Variants in SELE observed in about 807,000 individuals in gnomAD.
The protein encoded by SELE is E-selectin.
A neutral mutation model predicts 75.8 loss-of-function variants in SELE; 52 were observed. The ratio of observed to expected loss-of-function variants is 0.69; its 90% CI spans 0.55 to 0.86. The LOEUF (loss-of-function observed/expected upper bound fraction) is 0.86. Among genes scored for constraint, SELE ranks in the 40% least tolerant of loss-of-function variants. The pLI is 0.00. For synonymous variants in SELE, 285 were observed against 258.7 expected (o/e 1.10, Z -0.98); for missense variants, 754 against 732.7 (o/e 1.03, Z -0.34).
In SELE at chr1:169,733,669, A is replaced by C. The variant is rs1161904928; in HGVS notation, c.-48-9T>G. 1 of 1,526,572 alleles carries C rather than the reference A, an allele frequency of 6.6e-7. No homozygotes were observed. Among genetic ancestry groups the C allele is most frequent in the Non-Finnish European group, 9.1e-7 (1 of 1,100,784 alleles). 94.6% of individuals were successfully genotyped at this position (1,526,572 alleles called of 1,614,324 possible). A position where few individuals can be genotyped will look rare whatever the true frequency, so the allele number is the denominator to read the frequency against. ...AGGCTTGAAATACTTTCCTGGGGAG[A>C]TAAAACACAAAATGAATTAAAGAAG... On this transcript the variant is annotated splice_polypyrimidine_tract_variant and intron_variant, in intron 1 of 13. Coordinates refer to ENST00000333360, the MANE Select transcript of SELE (RefSeq NM_000450.2).
At chr1:169,726,244 A>G (rs1190125253) in intron 11 of SELE, among the ~76,000 whole-genome samples, 2 of 152,254 alleles carry the variant, frequency 1.3e-5, no homozygotes, top group Non-Finnish European at 2.9e-5. Flanking sequence ...TGTAAACGTC[A>G]GAACTTAACT....
intron 13 of SELE, among the ~76,000 whole-genome samples, chr1:169,725,233 A>G (rs1202692725): frequency 6.6e-6 from 1 of 152,102 alleles, no homozygotes; most frequent in East Asian, 1.9e-4. Context: ...AAATACAAAA[A>G]TTAGCTGGGT....
In SELE at chr1:169,728,173, G is replaced by A. The variant is rs780464282; in HGVS notation, c.1164C>T (p.Phe388=). The change falls in exon 8 of 14, where the codon TTC becomes TTT. Residue 388 remains phenylalanine, a synonymous_variant. Coordinates refer to ENST00000333360, the MANE Select transcript of SELE (RefSeq NM_000450.2). ...MNCLPSASGS[F]RYGSSCEFSC... ...AGAACTCACAGCTGGACCCATAACGGAAACTGCCAGAAGCACTAGGAAGAC... is the reference window on the plus strand; with the variant it reads ...AGAACTCACAGCTGGACCCATAACGAAAACTGCCAGAAGCACTAGGAAGAC... The A allele has an allele frequency of 6.2e-7, 1 of 1,614,164 alleles. No homozygotes were observed. Among genetic ancestry groups the A allele is most frequent in the East Asian group, 2.2e-5 (1 of 44,880 alleles).
rs936834236 is a variant in SELE at position 169,729,327 on chromosome 1, A to C, written c.949T>G (p.Cys317Gly). Residue 317 changes from cysteine to glycine, a missense_variant, in exon 7 of 14, where the codon TGC becomes GGC. By Grantham distance (159) the Cys-to-Gly change is radical (BLOSUM62 -3). Transcript: ENST00000333360. ...VRQPQNGSVR[C>G]SHSPAGEFTF... Reference sequence around the variant, plus strand: ...AACTCTCCAGCAGGGGAATGGCTGCACCTCACAGAGCCATTCTGAGGCTGG... The same window carrying C: ...AACTCTCCAGCAGGGGAATGGCTGCCCCTCACAGAGCCATTCTGAGGCTGG... The C allele has an allele frequency of 1.2e-6, 2 of 1,614,070 alleles. No individual in the cohort carries two copies. Among genetic ancestry groups the C allele is most frequent in the Non-Finnish European group, 1.7e-6 (2 of 1,179,998 alleles).
rs1648978382 is a variant in SELE, at chr1:169,733,892, T to A, written c.-49+79A>T. The A allele has an allele frequency of 1.1e-5, 5 of 459,654 alleles. No individual in the cohort carries two copies. The South Asian group carries it at 1.4e-4, about 13-fold the overall frequency. 28.5% of individuals were successfully genotyped at this position (459,654 alleles called of 1,614,324 possible). On this transcript the variant is annotated intron_variant, in intron 1 of 13. Transcript: ENST00000333360. ...ACAATACAATAAGAGCTTGTACAGA[T>A]GTGGTTTTTATTAGAAGGCCTTTTG...
intron 10 of SELE, 138 bp downstream of exon 10, chr1:169,727,211 A>G (rs1296102445): frequency 1.2e-6 from 1 of 865,432 alleles, no homozygotes; most frequent in Non-Finnish European, 1.7e-6. Context: ...CTCTATCCCC[A>G]TACAACTTAA....
At position 169,729,347 on chromosome 1, in the gene SELE, G is replaced by A. The variant is rs1571145435; in HGVS notation, c.929C>T (p.Pro310Leu). 2 of 1,614,012 alleles carry A rather than the reference G, an allele frequency of 1.2e-6. No homozygotes were observed. The highest frequency in any genetic ancestry group is 1.7e-6 in the Non-Finnish European group (2 of 1,179,978). The stretch of plus-strand genomic sequence containing the variant: ...GCTGCACCTCACAGAGCCATTCTGA[G>A]GCTGGCGGACGGCCCTGCATGTCAC... The part of the protein sequence containing the change: ...KAVTCRAVRQ[P>L]QNGSVRCSHS... Residue 310 changes from proline to leucine, a missense_variant, in exon 7 of 14, where the codon CCT becomes CTT. Coordinates refer to ENST00000333360, the MANE Select transcript of SELE (RefSeq NM_000450.2).
chr1:169,730,919 A>G (rs1362128820), intron 4 of SELE, among the ~76,000 whole-genome samples: 1 of 151,340 alleles, frequency 6.6e-6, no homozygotes, highest in Non-Finnish European at 1.5e-5. Flanking sequence ...GAACAAACAC[A>G]GCAAACTTAG....
rs1292948422 is a variant in SELE, at chr1:169,730,618, C to G, written c.530-1G>C. ...GATTCCAGGGCTGTACAGTTCACAA[C>G]TGAAAAAGAAACCCAAATCAGTTCT... On this transcript the variant is annotated splice_acceptor_variant, in intron 4 of 13. Transcript: ENST00000333360. LOFTEE classifies it high-confidence loss of function. 6.3e-7 allele frequency: 1 copy of G among 1,596,444 alleles called. No homozygotes were observed. The highest frequency in any genetic ancestry group is 8.6e-7 in the Non-Finnish European group (1 of 1,169,348).
At position 169,732,931 on chromosome 1, in the gene SELE, C is replaced by T. The variant is rs1254500623; in HGVS notation, c.105G>A (p.Glu35=). 2.5e-6 allele frequency: 4 copies of T among 1,613,830 alleles called. No homozygotes were observed. The highest frequency in any genetic ancestry group is 4.5e-5 in the East Asian group (2 of 44,874). Residue 35 remains glutamate (E), a synonymous_variant, in exon 3 of 14, where the codon GAG becomes GAA. Coordinates refer to ENST00000333360, the MANE Select transcript of SELE (RefSeq NM_000450.2). ...NTSTEAMTYD[E]ASAYCQQRYT... is the part of the protein sequence containing the mutation. ...ACCTTTGCTGACAATAAGCACTGGC[C>T]TCATCATAAGTCATAGCTTCCGTGG...
intron 4 of SELE, 121 bp from the exon 5 acceptor site, chr1:169,730,738 A>T (rs1438434257): frequency 7.3e-6 from 4 of 548,672 alleles, no homozygotes; most frequent in Non-Finnish European, 1.2e-5. Context: ...AAAATTTCTA[A>T]TGGAATTTGT....
In SELE at chr1:169,723,320, G is replaced by C. The variant is rs916384084; in HGVS notation, c.*1205C>G. On this transcript the variant is annotated 3_prime_UTR_variant, in exon 14 of 14. Coordinates refer to ENST00000333360, the MANE Select transcript of SELE (RefSeq NM_000450.2). ...ATCTACCAGATGACTCTTTTACATGGTGAGTTTCTATTGTGAATTTAAAAT... is the reference window on the plus strand; with the variant it reads ...ATCTACCAGATGACTCTTTTACATGCTGAGTTTCTATTGTGAATTTAAAAT... 6.6e-6 allele frequency: 1 copy of C among 152,170 alleles called. No individual in the cohort carries two copies. The highest frequency in any genetic ancestry group is 1.5e-5 in the Non-Finnish European group (1 of 68,028). The allele number at this position is 152,170 out of a possible 1,614,324, so 9.4% of individuals were successfully genotyped here.
At chr1:169,729,803 A>AG in intron 5 of SELE, 130 bp from the exon 6 acceptor site, 1 of 732,936 alleles carries the variant, frequency 1.4e-6, no homozygotes, top group Non-Finnish European at 2.3e-6. Flanking sequence ...GTCAATTCTT[A>AG]GGGACATGCA....
At position 169,728,127 on chromosome 1, in the gene SELE, A is replaced by T. The variant is rs141518098; in HGVS notation, c.1210T>A (p.Leu404Met). ...CEFSCEQGFV[L>M]KGSKRLQCGP... ...CATTGGAGCCTTTTGGATCCCTTCA[A>T]CACAAAACCCTGCTCACAGGAGAAC... The change falls in exon 8 of 14, where the codon TTG becomes ATG. Residue 404 changes from leucine (L) to methionine (M), a missense_variant. Leu to Met is a conservative substitution (Grantham distance 15). Transcript: ENST00000333360. 6.2e-7 allele frequency: 1 copy of T among 1,614,176 alleles called. No homozygotes were observed. Among genetic ancestry groups the T allele is most frequent in the Non-Finnish European group, 8.5e-7 (1 of 1,180,028 alleles).
intron 13 of SELE, among the ~76,000 whole-genome samples, chr1:169,724,889 A>C (rs762353408): frequency 8.5e-5 from 13 of 152,206 alleles, no homozygotes; most frequent in Non-Finnish European, 1.3e-4. Context: ...CGCACACACA[A>C]AAAAAGTTAT....
intron 7 of SELE, 92 bp downstream of exon 7, chr1:169,729,094 A>C: frequency 8.9e-7 from 1 of 1,124,664 alleles, no homozygotes; most frequent in Non-Finnish European, 1.3e-6. Flanking sequence ...TGATTTCTAT[A>C]GTTAAAGTGG....
chr1:169,729,525 T>C lies in SELE; in HGVS notation c.864A>G (p.Ser288=). The part of the protein sequence containing the change: ...LMGAQSLQCT[S]SGNWDNEKPT... ...GCTTCTCGTTGTCCCAATTCCCAGATGAGGTACACTGAAGGCTCTGGGCTC... is the reference window on the plus strand; with the variant it reads ...GCTTCTCGTTGTCCCAATTCCCAGACGAGGTACACTGAAGGCTCTGGGCTC... Residue 288 remains serine (S), a synonymous_variant, in exon 6 of 14, where the codon TCA becomes TCG. Transcript: ENST00000333360. 6.2e-7 allele frequency: 1 copy of C among 1,614,180 alleles called. No homozygotes were observed. The highest frequency in any genetic ancestry group is 1.1e-5 in the South Asian group (1 of 91,092).
chr1:169,733,474 C>T lies in SELE; in HGVS notation c.37+102G>A, dbSNP rs536258703. On this transcript the variant is annotated intron_variant, in intron 2 of 13. Transcript: ENST00000333360. ...TGCAGGTAGAGGTCAAGGATGCTGCCAGATATCCTGTGCAGGACAGCCCCA... is the reference window on the plus strand; with the variant it reads ...TGCAGGTAGAGGTCAAGGATGCTGCTAGATATCCTGTGCAGGACAGCCCCA... 9 of 1,181,194 alleles carry T rather than the reference C, an allele frequency of 7.6e-6. No homozygotes were observed. The African/African-American group carries it at 1.1e-4, about 14-fold the overall frequency. The allele number at this position is 1,181,194 out of a possible 1,614,324, so 73.2% of individuals were successfully genotyped here.
At chr1:169,729,149 C>T in intron 7 of SELE, 37 bp downstream of exon 7, 9 of 1,519,574 alleles carry the variant, frequency 5.9e-6, no homozygotes, top group South Asian at 2.6e-5. Context: ...GATGGTTGTT[C>T]TTTAAGAAAG....
Sources: gnomAD v4.1 joint callset for allele counts (sites outside exome capture counted in the v4.1 genomes callset) on GRCh38, gnomAD v4.1.1 for gene constraint, MANE v1.5 for transcripts, NCBI Gene and HGNC (gene_info 2026-07-23, HGNC 2026-07-21) for gene names.